Variants in OLFML2B observed in about 807,000 individuals in gnomAD.
OLFML2B encodes the protein olfactomedin-like protein 2B.
In OLFML2B, 57 loss-of-function variants were observed where a neutral mutation model predicts 74.9. That is an observed-to-expected ratio of 0.76 (90% CI 0.61 to 0.95). The LOEUF (loss-of-function observed/expected upper bound fraction) is 0.95. Among genes scored for constraint, OLFML2B ranks in the 40% least tolerant of loss-of-function variants. The pLI, the probability that OLFML2B is intolerant of heterozygous loss-of-function variation, is 0.00. For synonymous variants in OLFML2B, 388 were observed against 405.8 expected, an observed-to-expected ratio of 0.96 and a Z score of 0.53; for missense variants, 986 against 970.6, an observed-to-expected ratio of 1.02 and a Z score of -0.21.
intron 4 of OLFML2B, among the ~76,000 whole-genome samples, chr1:162,000,853 A>T (rs1255089734): frequency 6.6e-6 from 1 of 152,172 alleles, no homozygotes; most frequent in East Asian, 1.9e-4. Flanking sequence ...TTGTTACAGC[A>T]ATCAAAATGG....
In OLFML2B at chr1:162,023,574, CG is replaced by C. The variant is rs1690796532; in HGVS notation, c.-145del. 1 of 781,238 alleles carries C rather than the reference CG, an allele frequency of 1.3e-6. No individual in the cohort carries two copies. Among genetic ancestry groups the C allele is most frequent in the Admixed American group, 3.7e-5 (1 of 26,842 alleles). The allele number at this position is 781,238 out of a possible 1,614,324, so 48.4% of individuals were successfully genotyped here. A position where few individuals can be genotyped will look rare whatever the true frequency, so the allele number is the denominator to read the frequency against. ...CCTTCTAAAGCTGGGTGCGGCTGAG[CG>C]GGACGGGAGGGTGCGCCCCAGAGAC... On this transcript the variant is annotated 5_prime_UTR_variant, in exon 1 of 8. The change abolishes the stop of an existing upstream ORF in the 5' untranslated region. Coordinates refer to ENST00000294794, the MANE Select transcript of OLFML2B (RefSeq NM_015441.3).
In OLFML2B at chr1:162,000,107, A is replaced by G; in HGVS notation, c.949+6T>C. The G allele has an allele frequency of 2.5e-6, 4 of 1,581,424 alleles. No individual in the cohort carries two copies. Among genetic ancestry groups the G allele is most frequent in the Non-Finnish European group, 3.5e-6 (4 of 1,159,044 alleles). On this transcript the variant is annotated splice_donor_region_variant and intron_variant, in intron 5 of 7. Transcript: ENST00000294794. The stretch of plus-strand genomic sequence containing the variant: ...CTCTGGGGCGGCCCTGTTGACCCCA[A>G]CTCACGCTGCTCTTCAATGTCATTC...
chr1:162,009,269 GA>G (rs1457540508), intron 3 of OLFML2B, among the ~76,000 whole-genome samples: 2 of 152,204 alleles, frequency 1.3e-5, no homozygotes, highest in Admixed American at 6.5e-5. Flanking sequence ...CTGAGGAGCG[GA>G]CTGAGGAGTG....
intron 2 of OLFML2B, among the ~76,000 whole-genome samples, chr1:162,018,601 C>G (rs923837321): frequency 3.3e-5 from 5 of 152,208 alleles, no homozygotes; most frequent in Non-Finnish European, 2.9e-5. Flanking sequence ...CAGTTTTTAT[C>G]AATACCATCC....
chr1:162,020,614 C>T (rs568621215), intron 1 of OLFML2B, among the ~76,000 whole-genome samples: 56 of 152,058 alleles, frequency 3.7e-4, no homozygotes, highest in South Asian at 1.2e-3. Context: ...GCAACCTCCA[C>T]CTCCCAGGTT....
At chr1:162,003,032 A>G (rs111492121) in intron 4 of OLFML2B, among the ~76,000 whole-genome samples, 5,228 of 152,318 alleles carry the variant, frequency 0.034, 282 homozygotes, top group African/African-American at 0.12. Flanking sequence ...TTGAAAGTCA[A>G]TCAGTTAAGT....
chr1:162,017,638 A>C, intron 2 of OLFML2B, 131 bp from the exon 3 acceptor site: 1 of 626,780 alleles, frequency 1.6e-6, no homozygotes, highest in Non-Finnish European at 2.8e-6. Flanking sequence ...TGCCGTGAGA[A>C]ACACATTTGT....
chr1:162,012,943 T>C (rs1428895942), intron 3 of OLFML2B, among the ~76,000 whole-genome samples: 1 of 152,208 alleles, frequency 6.6e-6, no homozygotes, highest in Non-Finnish European at 1.5e-5. Flanking sequence ...AATCTGCCCC[T>C]GGAAGCAGTA....
intron 4 of OLFML2B, among the ~76,000 whole-genome samples, chr1:162,004,189 C>T (rs1690157733): frequency 6.6e-6 from 1 of 152,116 alleles, no homozygotes; most frequent in African/African-American, 2.4e-5. Flanking sequence ...CCACCGATGC[C>T]AGGTGGGCTG....
In OLFML2B at chr1:162,000,259, G is replaced by A; in HGVS notation, c.803C>T (p.Ala268Val). 6.2e-7 allele frequency: 1 copy of A among 1,613,716 alleles called. No homozygotes were observed. The highest frequency in any genetic ancestry group is 8.5e-7 in the Non-Finnish European group (1 of 1,180,036). Residue 268 changes from alanine to valine, a missense_variant, in exon 5 of 8, where the codon GCT (alanine) becomes GTT (valine). By Grantham distance (64) the Ala-to-Val change is moderately conservative (BLOSUM62 0). Transcript: ENST00000294794. Reference protein sequence around the residue: ...SIELLQTRPLALPEVVKSQRP... With the variant: ...SIELLQTRPLVLPEVVKSQRP... ...CTGTGACTTCACCACCTCAGGCAGA[G>A]CCAGGGGTCGCGTCTGCAGAAGTTC...
At chr1:161,988,818 AG>A (rs554261534) in intron 6 of OLFML2B, among the ~76,000 whole-genome samples, 20 of 152,126 alleles carry the variant, frequency 1.3e-4, no homozygotes, top group African/African-American at 4.6e-4. Flanking sequence ...ACTACCTACA[AG>A]GCACTTTCTT....
intron 4 of OLFML2B, among the ~76,000 whole-genome samples, chr1:162,005,540 G>T (rs909195391): frequency 5.3e-5 from 8 of 152,106 alleles, no homozygotes; most frequent in African/African-American, 1.9e-4. Flanking sequence ...GAGGAGGGAT[G>T]GAATATAATT....
intron 6 of OLFML2B, among the ~76,000 whole-genome samples, chr1:161,985,496 C>T (rs953501628): frequency 2.6e-5 from 4 of 152,220 alleles, no homozygotes; most frequent in Admixed American, 6.5e-5. Context: ...GCTCAGAACA[C>T]GGTGTCTGGC....
At chr1:162,017,254 A>T (rs1440955369) in intron 3 of OLFML2B, 146 bp downstream of exon 3, 5 of 598,212 alleles carry the variant, frequency 8.4e-6, no homozygotes, top group Non-Finnish European at 1.2e-5. Flanking sequence ...ATTTTGAATG[A>T]ATCTTTTATG....
rs142349285 is a variant in OLFML2B, at chr1:161,983,875, C to A, written c.2053G>T (p.Ala685Ser). Reference sequence around the variant, plus strand: ...TTCCGCTGGTTGTAGCTATCCACGGCATACAGCACCCCACAGATGACGAAG... The same window carrying A: ...TTCCGCTGGTTGTAGCTATCCACGGAATACAGCACCCCACAGATGACGAAG... ...NCFVICGVLY[A>S]VDSYNQRNAN... The change falls in exon 8 of 8, where the codon GCC becomes TCC. Residue 685 changes from alanine to serine, a missense_variant. By Grantham distance (99) the Ala-to-Ser change is moderately conservative. Coordinates refer to ENST00000294794, the MANE Select transcript of OLFML2B (RefSeq NM_015441.3). The A allele has an allele frequency of 2.7e-4, 429 of 1,614,242 alleles. 1 individual carries two copies. The highest frequency in any genetic ancestry group is 2.7e-4 in the Non-Finnish European group (324 of 1,180,044).
chr1:161,994,784 T>C (rs1689844234), intron 6 of OLFML2B, among the ~76,000 whole-genome samples: 1 of 86,678 alleles, frequency 1.2e-5, no homozygotes, highest in Non-Finnish European at 2.7e-5. Context: ...TTTACTTGTT[T>C]TTGGATTTTT....
At chr1:161,986,347 GT>G (rs1245882109) in intron 6 of OLFML2B, among the ~76,000 whole-genome samples, 2 of 152,218 alleles carry the variant, frequency 1.3e-5, no homozygotes, top group Non-Finnish European at 2.9e-5. Flanking sequence ...CCCCGCAGTG[GT>G]TTGAGGAAGG....
intron 6 of OLFML2B, among the ~76,000 whole-genome samples, chr1:161,991,268 C>T (rs1371343153): frequency 6.6e-6 from 1 of 152,170 alleles, no homozygotes; most frequent in African/African-American, 2.4e-5. Context: ...CAGCTATAGC[C>T]TTACAAAATG....
rs961001335 is a variant in OLFML2B, at chr1:161,998,419, C to A, written c.950-70G>T. 21 of 1,489,700 alleles carry A rather than the reference C, an allele frequency of 1.4e-5. No individual in the cohort carries two copies. In the African/African-American group the frequency reaches 2.4e-4, roughly 17 times the overall value. The allele number at this position is 1,489,700 out of a possible 1,614,324, so 92.3% of individuals were successfully genotyped here. On this transcript the variant is annotated intron_variant, in intron 5 of 7. Transcript: ENST00000294794. Reference sequence around the variant, plus strand: ...ACCTACAGATGACAAGAGCACATGGCAATGAGCAGGTGAATTAGAGGGTGC... The same window carrying A: ...ACCTACAGATGACAAGAGCACATGGAAATGAGCAGGTGAATTAGAGGGTGC...
Sources: allele counts gnomAD v4.1 joint callset (sites outside exome capture counted in the v4.1 genomes callset), GRCh38; gene constraint gnomAD v4.1.1; transcripts MANE v1.5; gene names NCBI Gene and HGNC (gene_info 2026-07-23, HGNC 2026-07-21).